The following PLXDC2 variants were observed in gnomAD, a reference collection of about 807,000 sequenced individuals.
PLXDC2 encodes the protein plexin domain-containing protein 2.
PLXDC2 carries 40 observed loss-of-function variants against 68.9 expected under a neutral mutation model. The observed-to-expected ratio is 0.58, with a 90% CI of 0.45 to 0.76. The LOEUF (loss-of-function observed/expected upper bound fraction) is 0.76. PLXDC2 is among the 30% of genes least tolerant of loss of function. The probability of loss-of-function intolerance (pLI) is 0.00; values close to 1 mark genes in which losing one functional copy is unlikely to be tolerated. For missense variants in PLXDC2, 644 were observed against 661.9 expected (o/e 0.97, Z 0.30); for synonymous variants, 243 against 234.2 (o/e 1.04, Z -0.34).
intron 6 of PLXDC2, among the ~76,000 whole-genome samples, chr10:20,157,064 T>A (rs1834226190): frequency 1.3e-5 from 2 of 152,160 alleles, no homozygotes; most frequent in Non-Finnish European, 2.9e-5. Flanking sequence ...GTGCTACAGG[T>A]TGTTGTTTTG....
Position 19,924,031 on chromosome 10 carries a change from G to C in PLXDC2, c.113-77744G>C, listed in dbSNP as rs146751075. On this transcript the variant is annotated intron_variant, in intron 1 of 13. Transcript: ENST00000377252. ...TGAGCCATGATCTTCACTCCAGCTT[G>C]GGCAGCAGAATGAGACTCTGTGTCT... Among the ~76,000 whole-genome samples, 161 of 152,268 alleles carry C rather than the reference G, an allele frequency of 1.1e-3. 1 individual carries two copies. Among genetic ancestry groups the C allele is most frequent in the Middle Eastern group, 0.01 (3 of 294 alleles).
chr10:20,155,478 T>C (rs1206677341), intron 6 of PLXDC2, among the ~76,000 whole-genome samples: 1 of 152,082 alleles, frequency 6.6e-6, no homozygotes, highest in Non-Finnish European at 1.5e-5. Context: ...ATAATATATA[T>C]GTACATATAT....
chr10:19,821,682 A>G (rs1266766769), intron 1 of PLXDC2, among the ~76,000 whole-genome samples: 3 of 152,240 alleles, frequency 2.0e-5, no homozygotes, highest in Non-Finnish European at 4.4e-5. Context: ...GACTTTTTAA[A>G]TAATTCCCAT....
At chr10:20,030,904 C>A (rs1835491661) in intron 2 of PLXDC2, among the ~76,000 whole-genome samples, 1 of 152,118 alleles carries the variant, frequency 6.6e-6, no homozygotes, top group Non-Finnish European at 1.5e-5. Context: ...ATGGCTCTTT[C>A]AGATTCATAT....
At chr10:19,945,139 C>T (rs903785244) in intron 1 of PLXDC2, among the ~76,000 whole-genome samples, 1 of 152,118 alleles carries the variant, frequency 6.6e-6, no homozygotes, top group Non-Finnish European at 1.5e-5. Flanking sequence ...ATGAAGAAAC[C>T]TTTAAAATAT....
intron 1 of PLXDC2, among the ~76,000 whole-genome samples, chr10:19,925,083 G>C (rs553427119): frequency 6.0e-4 from 92 of 152,330 alleles, no homozygotes; most frequent in African/African-American, 2.1e-3. Flanking sequence ...GAACCTGCTT[G>C]AGACAGCACA....
intron 2 of PLXDC2, among the ~76,000 whole-genome samples, chr10:20,038,393 A>G (rs1300897318): frequency 6.6e-6 from 1 of 152,198 alleles, no homozygotes; most frequent in African/African-American, 2.4e-5. Flanking sequence ...AACAACTGTA[A>G]CAACATGGAA....
intron 9 of PLXDC2, among the ~76,000 whole-genome samples, chr10:20,204,053 TATAATAA>T (rs1193051535): frequency 2.8e-4 from 42 of 152,104 alleles, no homozygotes; most frequent in Non-Finnish European, 5.1e-4. Flanking sequence ...CAGAGCAGTA[TATAATAA>T]ATGGTTCAGG....
chr10:19,897,488 A>G (rs951526128), intron 1 of PLXDC2, among the ~76,000 whole-genome samples: 2 of 151,512 alleles, frequency 1.3e-5, no homozygotes, highest in African/African-American at 4.9e-5. Flanking sequence ...CAGGTGATCC[A>G]CCTGCCTCGG....
At position 19,964,741 on chromosome 10, in the gene PLXDC2, GT is replaced by G. The variant is rs140891892; in HGVS notation, c.113-37024del. 1.1e-4 allele frequency among the ~76,000 whole-genome samples: 16 copies of G among 147,440 alleles called. No homozygotes were observed. The South Asian group carries it at 2.6e-3, about 24-fold the overall frequency. On this transcript the variant is annotated intron_variant, in intron 1 of 13. Coordinates refer to ENST00000377252, the MANE Select transcript of PLXDC2 (RefSeq NM_032812.9). ...TTGAGGGCAGGCACCATTTGTTTTT[GT>G]TTTTTTTTTCTTCACTATCTCCTAA...
intron 3 of PLXDC2, among the ~76,000 whole-genome samples, chr10:20,060,549 C>T (rs919113877): frequency 6.6e-6 from 1 of 150,972 alleles, no homozygotes; most frequent in South Asian, 2.1e-4. Context: ...GAGCAGGGGC[C>T]CCCTGTTGTG....
intron 1 of PLXDC2, among the ~76,000 whole-genome samples, chr10:19,876,148 A>G (rs1320339146): frequency 6.6e-6 from 1 of 152,138 alleles, no homozygotes; most frequent in Non-Finnish European, 1.5e-5. Context: ...GAGAGTAATA[A>G]AGGAACCAGA....
rs954172811 is a variant in PLXDC2, at chr10:20,033,902, C to T, written c.325-12967C>T. Among the ~76,000 whole-genome samples the T allele has an allele frequency of 3.9e-5, 6 of 152,102 alleles. No homozygotes were observed. The East Asian group carries it at 7.7e-4, about 20-fold the overall frequency. ...GTTCTTTTTCTCTTCACATGTTCAT[C>T]GTTCCTCAAAACAATGCCATAAACT... On this transcript the variant is annotated intron_variant, in intron 2 of 13. Coordinates refer to ENST00000377252, the MANE Select transcript of PLXDC2 (RefSeq NM_032812.9).
At chr10:19,935,971 A>C (rs1239293198) in intron 1 of PLXDC2, among the ~76,000 whole-genome samples, 2 of 152,232 alleles carry the variant, frequency 1.3e-5, no homozygotes, top group Admixed American at 6.5e-5. Context: ...TTGTAAATCC[A>C]ACAGACAAAC....
intron 4 of PLXDC2, among the ~76,000 whole-genome samples, chr10:20,106,996 T>C (rs1403738618): frequency 6.7e-6 from 1 of 149,626 alleles, no homozygotes; most frequent in Non-Finnish European, 1.5e-5. Context: ...ATATTTTATG[T>C]AGGGGACATG....
At chr10:19,851,583 T>TC (rs1837119074) in intron 1 of PLXDC2, among the ~76,000 whole-genome samples, 1 of 152,180 alleles carries the variant, frequency 6.6e-6, no homozygotes, top group African/African-American at 2.4e-5. Context: ...TCTCGCTCTG[T>TC]TACCCAGGCT....
At chr10:20,250,347 T>C (rs1343294343) in intron 13 of PLXDC2, among the ~76,000 whole-genome samples, 1 of 151,976 alleles carries the variant, frequency 6.6e-6, no homozygotes, top group Non-Finnish European at 1.5e-5. Context: ...CAGTCTCCTA[T>C]TGCAGAGCAA....
At chr10:19,980,739 C>G (rs1281356639) in intron 1 of PLXDC2, among the ~76,000 whole-genome samples, 1 of 152,074 alleles carries the variant, frequency 6.6e-6, no homozygotes, top group East Asian at 1.9e-4. Context: ...AGGCACTAAC[C>G]TTATAGGATC....
intron 9 of PLXDC2, among the ~76,000 whole-genome samples, chr10:20,203,786 G>A (rs1304909287): frequency 2.6e-5 from 4 of 152,098 alleles, no homozygotes; most frequent in Non-Finnish European, 5.9e-5. Context: ...CCACGTGTAC[G>A]GATGACTACA....
Sources: gnomAD v4.1 joint callset for allele counts (sites outside exome capture counted in the v4.1 genomes callset) on GRCh38, gnomAD v4.1.1 for gene constraint, MANE v1.5 for transcripts, NCBI Gene and HGNC (gene_info 2026-07-23, HGNC 2026-07-21) for gene names.